The following BLOC1S6 variants were observed in gnomAD, a reference collection of about 807,000 sequenced individuals.
BLOC1S6 encodes biogenesis of lysosome-related organelles complex 1 subunit 6.
A neutral mutation model predicts 24.7 loss-of-function variants in BLOC1S6; 24 were observed. The observed-to-expected ratio is 0.97, with a 90% CI of 0.70 to 1.37. The LOEUF is 1.37. BLOC1S6 is among the 40% of genes most tolerant of loss of function. The pLI is 0.00. For synonymous variants in BLOC1S6, 76 were observed against 72.6 expected (o/e 1.05, Z -0.23); for missense variants, 175 against 196.2 (o/e 0.89, Z 0.64).
chr15:45,603,257 A>T, intron 3 of BLOC1S6, 70 bp downstream of exon 3: 18 of 954,802 alleles, frequency 1.9e-5, no homozygotes, highest in African/African-American at 3.3e-5. Flanking sequence ...TAGCTAAGCA[A>T]TAGCTAAGAT....
intron 3 of BLOC1S6, 76 bp from the exon 4 acceptor site, chr15:45,605,352 A>G: frequency 8.5e-7 from 1 of 1,181,594 alleles, no homozygotes; most frequent in Non-Finnish European, 1.2e-6. Flanking sequence ...ACTATCATTT[A>G]TATATTGCCT....
chr15:45,600,892 C>T (rs1246762491), intron 2 of BLOC1S6, among the ~76,000 whole-genome samples: 2 of 152,064 alleles, frequency 1.3e-5, no homozygotes, highest in South Asian at 2.1e-4. Flanking sequence ...GTTCCAAGAC[C>T]CCTAGTGGAT....
At position 45,606,495 on chromosome 15, in the gene BLOC1S6, G is replaced by C. The variant is rs770901442; in HGVS notation, c.500G>C (p.Arg167Thr). The C allele has an allele frequency of 6.2e-6, 10 of 1,614,024 alleles. No homozygotes were observed. The highest frequency in any genetic ancestry group is 8.5e-6 in the Non-Finnish European group (10 of 1,180,032). The part of the protein sequence containing the change: ...EFEREKQLTA[R>T]PAKRM ...GAAAGAGAAAAGCAGTTAACTGCCA[G>C]ACCAGCCAAAAGGATGTGAAAAGTT... Residue 167 changes from arginine (R) to threonine (T), a missense_variant, in exon 5 of 5, where the codon AGA becomes ACA. Physicochemically the swap from Arg to Thr is moderately conservative, Grantham distance 71 (BLOSUM62 -1). Coordinates refer to ENST00000220531, the MANE Select transcript of BLOC1S6 (RefSeq NM_012388.4).
intron 2 of BLOC1S6, chr15:45,602,467 A>AT (rs1894305157): frequency 1.8e-6 from 1 of 557,180 alleles, no homozygotes; most frequent in Admixed American, 3.2e-5. Context: ...CTCTTCCTCA[A>AT]TGAGTTTTGA....
chr15:45,593,250 G>C (rs1351640049), intron 2 of BLOC1S6, among the ~76,000 whole-genome samples: 6 of 151,910 alleles, frequency 3.9e-5, no homozygotes, highest in Non-Finnish European at 8.8e-5. Flanking sequence ...GCTGGGCGTG[G>C]TGGTGTGCAC....
At chr15:45,587,214 C>T (rs958029357), upstream of BLOC1S6, 3 of 602,954 alleles carry the variant, frequency 5.0e-6, no homozygotes, top group Non-Finnish European at 9.0e-6. Flanking sequence ...CTGCTGAGTC[C>T]GCTGACACTG....
chr15:45,595,527 T>G (rs560576862), intron 2 of BLOC1S6, among the ~76,000 whole-genome samples: 4 of 152,240 alleles, frequency 2.6e-5, no homozygotes, highest in African/African-American at 9.6e-5. Flanking sequence ...ATTTTTGATA[T>G]GAGTCCTTTA....
Position 45,606,477 on chromosome 15 carries a change from A to C in BLOC1S6, c.482A>C (p.Glu161Ala). 1 of 1,614,206 alleles carries C rather than the reference A, an allele frequency of 6.2e-7. No homozygotes were observed. The highest frequency in any genetic ancestry group is 8.5e-7 in the Non-Finnish European group (1 of 1,180,036). Residue 161 changes from glutamate to alanine, a missense_variant, in exon 5 of 5, where the codon GAA (glutamate) becomes GCA (alanine). By Grantham distance (107) the Glu-to-Ala change is moderately radical. Coordinates refer to ENST00000220531, the MANE Select transcript of BLOC1S6 (RefSeq NM_012388.4). The stretch of plus-strand genomic sequence containing the variant: ...CAACGAGAGAAGGAGTTTGAAAGAG[A>C]AAAGCAGTTAACTGCCAGACCAGCC... ...EQQREKEFER[E>A]KQLTARPAKR...
At chr15:45,593,465 A>G (rs927933338) in intron 2 of BLOC1S6, among the ~76,000 whole-genome samples, 2 of 151,830 alleles carry the variant, frequency 1.3e-5, no homozygotes, top group African/African-American at 4.8e-5. Flanking sequence ...GGAGTTGGCA[A>G]CCTTCTCAGT....
Position 45,587,537 on chromosome 15 carries a change from C to A in BLOC1S6, c.82+12C>A. 6.4e-7 allele frequency: 1 copy of A among 1,565,224 alleles called. No individual in the cohort carries two copies. ...GGAGCCGACGCCTGGTACGTACTAT[C>A]GGGTGGGAAGCGCGGCCCGGGCTGG... On this transcript the variant is annotated intron_variant, in intron 1 of 4. Transcript: ENST00000220531.
chr15:45,606,021 G>C (rs1317048104), intron 4 of BLOC1S6, among the ~76,000 whole-genome samples: 1 of 152,128 alleles, frequency 6.6e-6, no homozygotes, highest in East Asian at 1.9e-4. Context: ...TCCGAGGCTG[G>C]TCTTAAACTC....
In BLOC1S6 at chr15:45,592,135, G is replaced by A; in HGVS notation, c.83G>A (p.Gly28Asp). The A allele has an allele frequency of 6.2e-7, 1 of 1,614,060 alleles. No individual in the cohort carries two copies. Among genetic ancestry groups the A allele is most frequent in the Non-Finnish European group, 8.5e-7 (1 of 1,180,012 alleles). ...TAAATTTGATTTTTGCTGGGGACAG[G>A]TTTAAGTGACACTTCTCCAGATGAA... ...YCLEAGEPTPGLSDTSPDEGL... is the reference protein window; with the variant it reads ...YCLEAGEPTPDLSDTSPDEGL... The change falls in exon 2 of 5, where the codon GGT becomes GAT. Residue 28 changes from glycine (G) to aspartate (D), a missense_variant and splice_region_variant. Transcript: ENST00000220531.
At chr15:45,594,837 G>A (rs1894010774) in intron 2 of BLOC1S6, among the ~76,000 whole-genome samples, 1 of 152,088 alleles carries the variant, frequency 6.6e-6, no homozygotes, top group Non-Finnish European at 1.5e-5. Flanking sequence ...TGCCCACCTT[G>A]GCCTCCCAGA....
chr15:45,598,158 A>G (rs1894146062), intron 2 of BLOC1S6: 1 of 155,272 alleles, frequency 6.4e-6, no homozygotes, highest in African/African-American at 2.4e-5. Context: ...AAAACTCTCA[A>G]TAAATTAGGT....
chr15:45,606,255 T>C (rs967098065), intron 4 of BLOC1S6, 140 bp from the exon 5 acceptor site: 4 of 1,265,532 alleles, frequency 3.2e-6, no homozygotes, highest in East Asian at 2.3e-5. Flanking sequence ...GACCTTAAAT[T>C]ATCCCAAATT....
In BLOC1S6 at chr15:45,592,119, T is replaced by G. The variant is rs761317863; in HGVS notation, c.83-16T>G. On this transcript the variant is annotated splice_polypyrimidine_tract_variant and intron_variant, in intron 1 of 4. Coordinates refer to ENST00000220531, the MANE Select transcript of BLOC1S6 (RefSeq NM_012388.4). Reference sequence around the variant, plus strand: ...ATAAATAAAAGGTTCCTAAATTTGATTTTTGCTGGGGACAGGTTTAAGTGA... The same window carrying G: ...ATAAATAAAAGGTTCCTAAATTTGAGTTTTGCTGGGGACAGGTTTAAGTGA... 1 of 1,613,776 alleles carries G rather than the reference T, an allele frequency of 6.2e-7. No individual in the cohort carries two copies. The highest frequency in any genetic ancestry group is 8.5e-7 in the Non-Finnish European group (1 of 1,179,928).
chr15:45,587,643 C>T (rs1027929686), intron 1 of BLOC1S6, 118 bp downstream of exon 1: 30 of 1,040,124 alleles, frequency 2.9e-5, no homozygotes, highest in Non-Finnish European at 4.1e-5. Flanking sequence ...CTGCGGCCCC[C>T]GGGCCCTGCC....
intron 2 of BLOC1S6, among the ~76,000 whole-genome samples, chr15:45,601,802 G>A (rs1431018052): frequency 6.6e-6 from 1 of 151,818 alleles, no homozygotes; most frequent in African/African-American, 2.4e-5. Context: ...TGACTTGCTG[G>A]GTTTTCCTCT....
At chr15:45,587,783 ATG>A (rs1282968692) in intron 1 of BLOC1S6, 6 of 702,358 alleles carry the variant, frequency 8.5e-6, no homozygotes, top group Non-Finnish European at 1.6e-5. Context: ...TTCTGAGTTT[ATG>A]TGTTGACTCC....
Sources: allele counts gnomAD v4.1 joint callset (sites outside exome capture counted in the v4.1 genomes callset), GRCh38; gene constraint gnomAD v4.1.1; transcripts MANE v1.5; gene names NCBI Gene and HGNC (gene_info 2026-07-23, HGNC 2026-07-21).